Variants in XRRA1 observed in about 807,000 individuals in gnomAD.
XRRA1 encodes the protein X-ray radiation resistance-associated protein 1.
Under a neutral mutation model 80.2 loss-of-function variants are expected in XRRA1, and 69 were observed. That is an observed-to-expected ratio of 0.86 (90% confidence interval 0.71 to 1.05). The LOEUF is 1.05. XRRA1 is among the 50% of genes least tolerant of loss of function. The pLI, the probability that XRRA1 is intolerant of heterozygous loss-of-function variation, is 0.00. For synonymous variants in XRRA1, 348 were observed against 389.9 expected (o/e 0.89, Z 1.27); for missense variants, 967 against 976.4 (o/e 0.99, Z 0.13).
At chr11:74,877,924 C>A (rs1181177972) in intron 10 of XRRA1, among the ~76,000 whole-genome samples, 1 of 151,700 alleles carries the variant, frequency 6.6e-6, no homozygotes, top group African/African-American at 2.4e-5. Flanking sequence ...AATAAACATA[C>A]GTGTGCATGT....
intron 10 of XRRA1, among the ~76,000 whole-genome samples, chr11:74,886,035 A>G (rs982050754): frequency 6.6e-6 from 1 of 152,250 alleles, no homozygotes; most frequent in African/African-American, 2.4e-5. Flanking sequence ...AAACCTCTCA[A>G]TAAACTAGGC....
At chr11:74,927,637 C>G (rs1591493892) in intron 6 of XRRA1, 149 bp from the exon 7 acceptor site, 1 of 496,654 alleles carries the variant, frequency 2.0e-6, no homozygotes, top group East Asian at 3.3e-5. Flanking sequence ...CTCTAACAAC[C>G]CAGAAAAATA....
intron 10 of XRRA1, among the ~76,000 whole-genome samples, chr11:74,886,502 G>A (rs977663346): frequency 1.3e-5 from 2 of 151,864 alleles, no homozygotes; most frequent in African/African-American, 4.8e-5. Context: ...ATACAGCTAC[G>A]AGGAAGGTGA....
intron 10 of XRRA1, among the ~76,000 whole-genome samples, chr11:74,865,356 T>C (rs1364955947): frequency 6.6e-6 from 1 of 152,184 alleles, no homozygotes; most frequent in Non-Finnish European, 1.5e-5. Flanking sequence ...AGGAACTTGC[T>C]AGGCAATGTG....
chr11:74,853,891 AGGT>A (rs1465489507), intron 12 of XRRA1, among the ~76,000 whole-genome samples: 2 of 152,112 alleles, frequency 1.3e-5, no homozygotes, highest in Non-Finnish European at 2.9e-5. Context: ...GCCAAACAAA[AGGT>A]GGTTTAAGAT....
intron 6 of XRRA1, among the ~76,000 whole-genome samples, chr11:74,929,581 A>G (rs1168458165): frequency 6.6e-6 from 1 of 152,214 alleles, no homozygotes; most frequent in Non-Finnish European, 1.5e-5. Context: ...CCTTGCAAGC[A>G]TACAAAACCT....
intron 4 of XRRA1, 148 bp from the exon 5 acceptor site, chr11:74,934,020 TC>T: frequency 2.9e-5 from 21 of 733,762 alleles, no homozygotes; most frequent in South Asian, 8.1e-5. Context: ...CATTCATTAT[TC>T]ATCCATTCAT....
intron 10 of XRRA1, among the ~76,000 whole-genome samples, chr11:74,884,890 C>T (rs974840037): frequency 1.3e-5 from 2 of 152,122 alleles, no homozygotes; most frequent in African/African-American, 4.8e-5. Context: ...AAGAGGAAAC[C>T]AACCCCAAAG....
At chr11:74,928,044 T>C (rs1942688423) in intron 6 of XRRA1, among the ~76,000 whole-genome samples, 1 of 152,228 alleles carries the variant, frequency 6.6e-6, no homozygotes, top group Admixed American at 6.5e-5. Context: ...TCAAAACATA[T>C]AGATATGCCT....
rs1480591959 is a variant in XRRA1 at position 74,948,961 on chromosome 11, C to T, written c.-106G>A. 4.3e-6 allele frequency: 1 copy of T among 233,136 alleles called. No homozygotes were observed. The highest frequency in any genetic ancestry group is 2.3e-5 in the African/African-American group (1 of 42,996). 14.4% of individuals were successfully genotyped at this position (233,136 alleles called of 1,614,324 possible). ...GGCGTCGCTTCAGCCTCCGAGGGGT[C>T]TGCGGAGGCGACGTCCCAGTCAGGA... On this transcript the variant is annotated 5_prime_UTR_variant, in exon 1 of 19. Transcript: ENST00000684022.
At chr11:74,909,094 G>A (rs1157874779) in intron 8 of XRRA1, among the ~76,000 whole-genome samples, 3 of 152,006 alleles carry the variant, frequency 2.0e-5, no homozygotes, top group Non-Finnish European at 4.4e-5. Context: ...CTTTTTTTCT[G>A]TATCCTAACA....
At chr11:74,915,460 C>T (rs557840508) in intron 8 of XRRA1, among the ~76,000 whole-genome samples, 3 of 152,280 alleles carry the variant, frequency 2.0e-5, no homozygotes, top group South Asian at 4.1e-4. Context: ...ATGAAGGCTA[C>T]ACACTTCCTT....
intron 11 of XRRA1, among the ~76,000 whole-genome samples, chr11:74,859,927 C>A (rs536321462): frequency 3.3e-5 from 5 of 152,078 alleles, no homozygotes; most frequent in Non-Finnish European, 7.4e-5. Context: ...CATATTTGAT[C>A]AAGCAGAAAA....
chr11:74,945,505 T>C (rs766722084), intron 1 of XRRA1, among the ~76,000 whole-genome samples: 1 of 152,242 alleles, frequency 6.6e-6, no homozygotes, highest in Non-Finnish European at 1.5e-5. Context: ...CTGAAGCCTG[T>C]AGGAGGCATG....
chr11:74,893,852 C>A (rs2051486400), intron 10 of XRRA1, among the ~76,000 whole-genome samples: 1 of 152,296 alleles, frequency 6.6e-6, no homozygotes. Flanking sequence ...TCTGAAAGAA[C>A]TTAAAAACAG....
At chr11:74,888,206 T>C (rs2049579719) in intron 10 of XRRA1, among the ~76,000 whole-genome samples, 2 of 152,050 alleles carry the variant, frequency 1.3e-5, no homozygotes, top group Non-Finnish European at 2.9e-5. Context: ...CATGGCCAGG[T>C]ACTCCTCAGA....
chr11:74,905,257 G>A (rs1326016321), intron 10 of XRRA1, among the ~76,000 whole-genome samples: 1 of 152,138 alleles, frequency 6.6e-6, no homozygotes, highest in Non-Finnish European at 1.5e-5. Flanking sequence ...AGGCCAGAGG[G>A]CAGTGGCATG....
Position 74,948,977 on chromosome 11 carries a change from C to A in XRRA1, c.-122G>T, listed in dbSNP as rs1176049331. Reference sequence around the variant, plus strand: ...CCGAGGGGTCTGCGGAGGCGACGTCCCAGTCAGGAGGGATGCGCGCCTGCG... The same window carrying A: ...CCGAGGGGTCTGCGGAGGCGACGTCACAGTCAGGAGGGATGCGCGCCTGCG... On this transcript the variant is annotated 5_prime_UTR_variant, in exon 1 of 19. Coordinates refer to ENST00000684022, the MANE Select transcript of XRRA1 (RefSeq NM_001378157.1). 1 of 249,948 alleles carries A rather than the reference C, an allele frequency of 4.0e-6. No individual in the cohort carries two copies. Among genetic ancestry groups the A allele is most frequent in the Non-Finnish European group, 7.9e-6 (1 of 127,164 alleles). The allele number at this position is 249,948 out of a possible 1,614,324, so 15.5% of individuals were successfully genotyped here.
chr11:74,944,405 A>G (rs929266932), intron 2 of XRRA1, among the ~76,000 whole-genome samples: 1 of 152,244 alleles, frequency 6.6e-6, no homozygotes, highest in Admixed American at 6.5e-5. Flanking sequence ...AGAAAGGGCA[A>G]TATCAATGGT....
Sources: gnomAD v4.1 joint callset for allele counts (sites outside exome capture counted in the v4.1 genomes callset) on GRCh38, gnomAD v4.1.1 for gene constraint, MANE v1.5 for transcripts, NCBI Gene and HGNC (gene_info 2026-07-23, HGNC 2026-07-21) for gene names.